SLC1A1: variants seen among roughly 807,000 people sequenced by gnomAD.
SLC1A1 encodes the protein excitatory amino acid transporter 3.
A neutral mutation model predicts 53.3 loss-of-function variants in SLC1A1; 43 were observed. That is an observed-to-expected ratio of 0.81 (90% CI 0.63 to 1.04). The LOEUF (loss-of-function observed/expected upper bound fraction) is 1.04. SLC1A1 is among the 50% of genes least tolerant of loss of function. The pLI is 0.00. For missense variants in SLC1A1, 748 were observed against 664.9 expected (o/e 1.12, Z -1.37); for synonymous variants, 307 against 243.2 (o/e 1.26, Z -2.44).
At chr9:4,521,860 C>G (rs1456978723) in intron 1 of SLC1A1, among the ~76,000 whole-genome samples, 1 of 152,032 alleles carries the variant, frequency 6.6e-6, no homozygotes, top group Non-Finnish European at 1.5e-5. Context: ...GGGAGCAGCC[C>G]CACTTGTTTG....
rs1469875398 is a variant in SLC1A1, at chr9:4,567,782, T to C, written c.582+15T>C. 1 of 1,472,134 alleles carries C rather than the reference T, an allele frequency of 6.8e-7. No individual in the cohort carries two copies. The highest frequency in any genetic ancestry group is 1.7e-5 in the Admixed American group (1 of 59,738). The allele number at this position is 1,472,134 out of a possible 1,614,324, so 91.2% of individuals were successfully genotyped here. On this transcript the variant is annotated intron_variant, in intron 6 of 11. Coordinates refer to ENST00000262352, the MANE Select transcript of SLC1A1 (RefSeq NM_004170.6). ...CAATTTCCAAGGTACCATTCTTATT[T>C]CCTGTTCCTCTTCCCCAGGAGACAG...
chr9:4,518,954 A>T lies in SLC1A1; in HGVS notation c.92-25613A>T, dbSNP rs574894279. On this transcript the variant is annotated intron_variant, in intron 1 of 11. Transcript: ENST00000262352. ...CCATCCCAAAGCTAGAAAATAAATG[A>T]TGAGTGGTTTGGGCCCGGTTGTGTC... 6.6e-5 allele frequency among the ~76,000 whole-genome samples: 10 copies of T among 152,148 alleles called. 1 individual carries two copies. The highest frequency in any genetic ancestry group is 1.5e-4 in the Non-Finnish European group (10 of 68,040).
intron 1 of SLC1A1, among the ~76,000 whole-genome samples, chr9:4,520,409 A>G (rs1439982254): frequency 1.3e-5 from 2 of 151,678 alleles, no homozygotes; most frequent in Non-Finnish European, 2.9e-5. Context: ...ATTATTATCT[A>G]TTTTTCTTTT....
chr9:4,517,859 C>T (rs1055579363), intron 1 of SLC1A1, among the ~76,000 whole-genome samples: 2 of 152,120 alleles, frequency 1.3e-5, no homozygotes, highest in African/African-American at 4.8e-5. Context: ...CTGCCCTGAT[C>T]CCTGTAGCCT....
intron 10 of SLC1A1, among the ~76,000 whole-genome samples, chr9:4,581,620 A>G (rs987548333): frequency 2.6e-5 from 4 of 152,196 alleles, no homozygotes; most frequent in African/African-American, 9.7e-5. Context: ...CTGTTGATGC[A>G]TTCCATTTAA....
chr9:4,497,650 G>T (rs898266131), intron 1 of SLC1A1, among the ~76,000 whole-genome samples: 1 of 152,134 alleles, frequency 6.6e-6, no homozygotes, highest in Admixed American at 6.5e-5. Context: ...CAGCAACATA[G>T]ATTAACACTT....
At chr9:4,572,501 T>C (rs1231118848) in intron 7 of SLC1A1, 113 bp downstream of exon 7, 2 of 956,878 alleles carry the variant, frequency 2.1e-6, no homozygotes, top group Non-Finnish European at 3.4e-6. Flanking sequence ...AAGTTGGACA[T>C]TTAATATTGA....
At chr9:4,568,847 G>A (rs1026806894) in intron 6 of SLC1A1, among the ~76,000 whole-genome samples, 2 of 152,158 alleles carry the variant, frequency 1.3e-5, no homozygotes, top group Non-Finnish European at 2.9e-5. Flanking sequence ...GCTGTTGGCT[G>A]TGAGGTCAGT....
At position 4,537,502 on chromosome 9, in the gene SLC1A1, T is replaced by C. The variant is rs1586725532; in HGVS notation, c.92-7065T>C. Among the ~76,000 whole-genome samples, 4 of 64,076 alleles carry C rather than the reference T, an allele frequency of 6.2e-5. No homozygotes were observed. In the South Asian group the frequency reaches 1.3e-3, roughly 21 times the overall value. 42.0% of individuals were successfully genotyped at this position (64,076 alleles called of 152,430 possible). ...TGAACCCGGGAAGCGGAGCTTGCAG[T>C]GAGCCGAGATTGCGCCACTGCAGTC... On this transcript the variant is annotated intron_variant, in intron 1 of 11. Coordinates refer to ENST00000262352, the MANE Select transcript of SLC1A1 (RefSeq NM_004170.6).
At chr9:4,552,089 G>A (rs1187391566) in intron 2 of SLC1A1, among the ~76,000 whole-genome samples, 2 of 152,178 alleles carry the variant, frequency 1.3e-5, no homozygotes, top group East Asian at 3.8e-4. Context: ...CTTGTTCATA[G>A]CTCTGTTCAG....
At chr9:4,490,932 G>A (rs1820212684) in intron 1 of SLC1A1, among the ~76,000 whole-genome samples, 162 bp downstream of exon 1, 1 of 152,186 alleles carries the variant, frequency 6.6e-6, no homozygotes, top group South Asian at 2.1e-4. Flanking sequence ...TTTCCCCCAA[G>A]CGCTCTAATT....
chr9:4,553,611 C>T (rs1818125716), intron 2 of SLC1A1: 1 of 152,316 alleles, frequency 6.6e-6, no homozygotes, highest in Non-Finnish European at 1.5e-5. Flanking sequence ...AAGTGATCCA[C>T]TTGCCTCAGC....
chr9:4,574,707 T>C (rs1482388761), intron 8 of SLC1A1, among the ~76,000 whole-genome samples: 5 of 152,094 alleles, frequency 3.3e-5, no homozygotes. Flanking sequence ...AGGGGCAGAA[T>C]ATGTCACATA....
chr9:4,584,314 C>G (rs893690772), intron 11 of SLC1A1, among the ~76,000 whole-genome samples: 1 of 152,252 alleles, frequency 6.6e-6, no homozygotes, highest in Non-Finnish European at 1.5e-5. Context: ...AGGTGGCACC[C>G]TTCTTGCAAA....
intron 1 of SLC1A1, among the ~76,000 whole-genome samples, chr9:4,497,282 G>A (rs1481070899): frequency 1.3e-5 from 2 of 152,146 alleles, no homozygotes; most frequent in Non-Finnish European, 2.9e-5. Flanking sequence ...CCAAGGTCGA[G>A]GGCAGAGCCG....
intron 10 of SLC1A1, among the ~76,000 whole-genome samples, chr9:4,578,496 T>G (rs978105811): frequency 1.3e-5 from 2 of 151,834 alleles, no homozygotes; most frequent in South Asian, 4.2e-4. Flanking sequence ...ATCCTAATAC[T>G]AGAAGCAGGT....
At chr9:4,534,468 T>C (rs1816598046) in intron 1 of SLC1A1, among the ~76,000 whole-genome samples, 1 of 151,984 alleles carries the variant, frequency 6.6e-6, no homozygotes, top group African/African-American at 2.4e-5. Context: ...CTAGAAGAAA[T>C]GGATAAATTC....
At chr9:4,541,669 T>C (rs1817021560) in intron 1 of SLC1A1, among the ~76,000 whole-genome samples, 1 of 152,226 alleles carries the variant, frequency 6.6e-6, no homozygotes, top group South Asian at 2.1e-4. Flanking sequence ...GCTGCCTATT[T>C]ATGTGACTCA....
intron 1 of SLC1A1, among the ~76,000 whole-genome samples, chr9:4,497,538 T>G (rs185330222): frequency 6.6e-6 from 1 of 152,330 alleles, no homozygotes; most frequent in Admixed American, 6.5e-5. Flanking sequence ...AGTAAAATGT[T>G]GTCCTTGTTT....
Sources: gnomAD v4.1 joint callset for allele counts (sites outside exome capture counted in the v4.1 genomes callset) on GRCh38, gnomAD v4.1.1 for gene constraint, MANE v1.5 for transcripts, NCBI Gene and HGNC (gene_info 2026-07-23, HGNC 2026-07-21) for gene names.